The following SPART variants were observed in gnomAD, a reference collection of about 807,000 sequenced individuals.
SPART encodes the protein spartin.
In SPART, 35 loss-of-function variants were observed where a neutral mutation model predicts 58.7. The ratio of observed to expected loss-of-function variants is 0.60; its 90% CI spans 0.46 to 0.79. The LOEUF (loss-of-function observed/expected upper bound fraction) is 0.79. SPART is among the 30% of genes least tolerant of loss of function. The pLI, the probability that SPART is intolerant of heterozygous loss-of-function variation, is 0.00. For synonymous variants in SPART, 284 were observed against 280.7 expected, an observed-to-expected ratio of 1.01 and a Z score of -0.12; for missense variants, 730 against 786.1, an observed-to-expected ratio of 0.93 and a Z score of 0.85.
intron 8 of SPART, among the ~76,000 whole-genome samples, chr13:36,309,472 A>G (rs143845719): frequency 9.7e-4 from 148 of 152,314 alleles, no homozygotes; most frequent in African/African-American, 3.4e-3. Flanking sequence ...CAGCAAAGAC[A>G]TGGGATCAAC....
chr13:36,353,263 C>G (rs1465178997), intron 1 of SPART, among the ~76,000 whole-genome samples: 3 of 152,126 alleles, frequency 2.0e-5, no homozygotes, highest in African/African-American at 7.2e-5. Flanking sequence ...GCTGAGAGAA[C>G]CCATGAACTG....
At chr13:36,325,749 G>A (rs962430924) in intron 5 of SPART, among the ~76,000 whole-genome samples, 1 of 152,132 alleles carries the variant, frequency 6.6e-6, no homozygotes, top group Non-Finnish European at 1.5e-5. Flanking sequence ...AAACAGCAGA[G>A]ACTACTTCTC....
chr13:36,328,012 G>T (rs989710298), intron 4 of SPART, among the ~76,000 whole-genome samples: 2 of 152,048 alleles, frequency 1.3e-5, no homozygotes. Context: ...AGGAGACAGG[G>T]GAAGATTATG....
chr13:36,339,627 C>CAAAAAAAAAAA (rs71084420), intron 1 of SPART, among the ~76,000 whole-genome samples: 5 of 38,808 alleles, frequency 1.3e-4, no homozygotes, highest in South Asian at 3.6e-3. Flanking sequence ...ACGACTCCAT[C>CAAAAAAAAAAA]AAAAAAAAAA....
chr13:36,368,133 G>C (rs1364987202), intron 1 of SPART: 1 of 444,286 alleles, frequency 2.3e-6, no homozygotes, highest in Non-Finnish European at 4.6e-6. Flanking sequence ...AAAGAGTCGG[G>C]CATATTTTAA....
intron 1 of SPART, among the ~76,000 whole-genome samples, chr13:36,362,220 G>T (rs139392891): frequency 6.6e-6 from 1 of 151,858 alleles, no homozygotes. Context: ...GCATGGTGGC[G>T]CACGCCTGTA....
chr13:36,315,680 C>T (rs1320252068), intron 5 of SPART, among the ~76,000 whole-genome samples: 1 of 152,238 alleles, frequency 6.6e-6, no homozygotes, highest in East Asian at 1.9e-4. Context: ...AAACAGGCTT[C>T]CATAAACAAC....
chr13:36,366,840 C>T (rs1886076670), intron 1 of SPART, among the ~76,000 whole-genome samples: 1 of 152,132 alleles, frequency 6.6e-6, no homozygotes, highest in Admixed American at 6.5e-5. Context: ...TGTTCCTCCA[C>T]TCATCAGAGC....
chr13:36,357,540 T>A (rs1263211610), intron 1 of SPART, among the ~76,000 whole-genome samples: 4 of 152,236 alleles, frequency 2.6e-5, no homozygotes, highest in South Asian at 2.1e-4. Flanking sequence ...ACAGAACTTC[T>A]GTTTAAACAC....
At chr13:36,312,114 G>T (rs1221946612) in intron 8 of SPART, 31 bp downstream of exon 8, 5 of 1,582,584 alleles carry the variant, frequency 3.2e-6, no homozygotes, top group Non-Finnish European at 4.3e-6. Flanking sequence ...ACAAAACAGA[G>T]ATTTAGTCAT....
Position 36,312,150 on chromosome 13 carries a change from T to C in SPART, c.1728A>G (p.Arg576=), listed in dbSNP as rs368232039. ...TAAAATAAAATTCAACTTACTTGTATCTGACAGTTTGTACAGTTTCTGCTG... is the reference window on the plus strand; with the variant it reads ...TAAAATAAAATTCAACTTACTTGTACCTGACAGTTTGTACAGTTTCTGCTG... The part of the protein sequence containing the change: ...NVSAETVQTV[R]YKYGYNAGEA... The change falls in exon 8 of 9, where the codon AGA becomes AGG. Residue 576 remains arginine (R), a synonymous_variant. Transcript: ENST00000438666. 1.2e-6 allele frequency: 2 copies of C among 1,612,676 alleles called. No individual in the cohort carries two copies. The highest frequency in any genetic ancestry group is 2.2e-5 in the East Asian group (1 of 44,882).
At chr13:36,317,071 T>C (rs1881790924) in intron 5 of SPART, among the ~76,000 whole-genome samples, 2 of 152,208 alleles carry the variant, frequency 1.3e-5, no homozygotes, top group South Asian at 4.1e-4. Context: ...GTTTTATCCG[T>C]GGACCCAAAA....
upstream of SPART, among the ~76,000 whole-genome samples, chr13:36,349,038 C>T (rs546947325): frequency 1.2e-4 from 19 of 152,172 alleles, no homozygotes; most frequent in South Asian, 8.3e-4. Context: ...CCGAGGCAGG[C>T]GGATCACCTG....
chr13:36,353,522 C>T (rs781738951), intron 1 of SPART, among the ~76,000 whole-genome samples: 6 of 152,064 alleles, frequency 3.9e-5, no homozygotes, highest in African/African-American at 1.2e-4. Context: ...GGAGACATCT[C>T]GGTAAAAGGG....
chr13:36,329,526 T>C lies in SPART; in HGVS notation c.1009-9A>G. ...GCTCTGTTCCAGTTGGCCTAGAGAA[T>C]AAAGGTTTAAGCTTAACTCTAATCA... is the stretch of plus-strand genomic sequence containing the variant. On this transcript the variant is annotated splice_polypyrimidine_tract_variant and intron_variant, in intron 3 of 8. Coordinates refer to ENST00000438666, the MANE Select transcript of SPART (RefSeq NM_015087.5). 1 of 1,614,050 alleles carries C rather than the reference T, an allele frequency of 6.2e-7. No homozygotes were observed. Among genetic ancestry groups the C allele is most frequent in the Non-Finnish European group, 8.5e-7 (1 of 1,179,946 alleles).
At chr13:36,313,907 C>A in intron 6 of SPART, 1 of 359,974 alleles carries the variant, frequency 2.8e-6, no homozygotes, top group Non-Finnish European at 5.1e-6. Context: ...TTCTCCTCTC[C>A]AACACATCAG....
Position 36,303,013 on chromosome 13 carries a change from T to C in SPART, c.*1352A>G, listed in dbSNP as rs1371968365. 2.0e-5 allele frequency: 3 copies of C among 152,328 alleles called. No individual in the cohort carries two copies. The East Asian group carries it at 5.8e-4, about 29-fold the overall frequency. 9.4% of individuals were successfully genotyped at this position (152,328 alleles called of 1,614,324 possible). On this transcript the variant is annotated 3_prime_UTR_variant, in exon 9 of 9. Transcript: ENST00000438666. Reference sequence around the variant, plus strand: ...TCCATTTCTTAAACAAAGCATAGACTGTCTGTAAGCTATTTACCACTTCAC... The same window carrying C: ...TCCATTTCTTAAACAAAGCATAGACCGTCTGTAAGCTATTTACCACTTCAC...
At chr13:36,316,310 C>T (rs891055655) in intron 5 of SPART, among the ~76,000 whole-genome samples, 21 of 152,238 alleles carry the variant, frequency 1.4e-4, no homozygotes, top group Admixed American at 6.5e-4. Flanking sequence ...CAGTGGCTCA[C>T]GCCTGTAATC....
intron 1 of SPART, among the ~76,000 whole-genome samples, chr13:36,361,866 T>C (rs1885874509): frequency 6.6e-6 from 1 of 152,260 alleles, no homozygotes; most frequent in Non-Finnish European, 1.5e-5. Flanking sequence ...TTACAATTGA[T>C]ATTTTTGCTC....
Sources: gnomAD v4.1 joint callset for allele counts (sites outside exome capture counted in the v4.1 genomes callset) on GRCh38, gnomAD v4.1.1 for gene constraint, MANE v1.5 for transcripts, NCBI Gene and HGNC (gene_info 2026-07-23, HGNC 2026-07-21) for gene names.